The following KAZN variants were observed in gnomAD, a reference collection of about 807,000 sequenced individuals.
The protein encoded by KAZN is kazrin.
A neutral mutation model predicts 87.4 loss-of-function variants in KAZN; 40 were observed. The ratio of observed to expected loss-of-function variants is 0.46; its 90% CI spans 0.36 to 0.60. The LOEUF is 0.60. KAZN is among the 20% of genes least tolerant of loss of function. The pLI is 0.00. For synonymous variants in KAZN, 466 were observed against 458.3 expected, an observed-to-expected ratio of 1.02 and a Z score of -0.22; for missense variants, 898 against 1,073.9, an observed-to-expected ratio of 0.84 and a Z score of 2.29.
At chr1:15,087,534 A>C (rs1298341463) in intron 8 of KAZN, among the ~76,000 whole-genome samples, 1 of 152,008 alleles carries the variant, frequency 6.6e-6, no homozygotes, top group Non-Finnish European at 1.5e-5. Context: ...CTGGGACTAC[A>C]GGCATGCACC....
At chr1:14,246,440 A>G (rs1192746975) in intron 2 of KAZN, among the ~76,000 whole-genome samples, 3 of 152,230 alleles carry the variant, frequency 2.0e-5, no homozygotes, top group African/African-American at 7.2e-5. Context: ...ACTTTATTAA[A>G]AACATATTAC....
At chr1:14,656,250 T>C (rs1234503065) in intron 1 of KAZN, among the ~76,000 whole-genome samples, 6 of 152,186 alleles carry the variant, frequency 3.9e-5, no homozygotes, top group African/African-American at 1.4e-4. Flanking sequence ...GGGAGGGAGC[T>C]GCTCTCTCAG....
chr1:14,728,394 A>C (rs1387123631), intron 1 of KAZN, among the ~76,000 whole-genome samples: 1 of 151,532 alleles, frequency 6.6e-6, no homozygotes, highest in African/African-American at 2.4e-5. Flanking sequence ...TGCAAATAAG[A>C]TGAAGCTTCA....
chr1:14,152,645 A>G (rs746983450), intron 1 of KAZN, among the ~76,000 whole-genome samples: 2 of 152,230 alleles, frequency 1.3e-5, no homozygotes, highest in Non-Finnish European at 1.5e-5. Context: ...TGGCTCCAAC[A>G]AACACAGTAG....
intron 2 of KAZN, among the ~76,000 whole-genome samples, chr1:15,004,447 C>T (rs567892722): frequency 2.0e-5 from 3 of 152,336 alleles, no homozygotes; most frequent in South Asian, 4.1e-4. Context: ...TACTTTCTAG[C>T]TGTTACCATC....
chr1:14,827,021 G>A (rs1269128126), intron 1 of KAZN, among the ~76,000 whole-genome samples: 3 of 152,176 alleles, frequency 2.0e-5, no homozygotes, highest in Admixed American at 6.5e-5. Context: ...CTGCCGTGAG[G>A]GCGGAATCAG....
intron 2 of KAZN, among the ~76,000 whole-genome samples, chr1:14,188,170 G>A (rs1557547187): frequency 6.7e-6 from 1 of 149,566 alleles, no homozygotes; most frequent in Non-Finnish European, 1.5e-5. Flanking sequence ...CTTAGATCTG[G>A]GGATGGAGAG....
intron 1 of KAZN, among the ~76,000 whole-genome samples, chr1:13,902,189 G>T (rs747808152): frequency 6.6e-6 from 1 of 152,230 alleles, no homozygotes; most frequent in Non-Finnish European, 1.5e-5. Context: ...GAAGAAAAAT[G>T]GCCCATTTGT....
At chr1:14,335,771 A>C (rs530684113) in intron 2 of KAZN, among the ~76,000 whole-genome samples, 1 of 152,288 alleles carries the variant, frequency 6.6e-6, no homozygotes, top group South Asian at 2.1e-4. Flanking sequence ...AGAGAGAGAG[A>C]GAGAGAGAGA....
chr1:14,565,447 C>A (rs925225373), intron 2 of KAZN, among the ~76,000 whole-genome samples: 1 of 152,180 alleles, frequency 6.6e-6, no homozygotes, highest in African/African-American at 2.4e-5. Flanking sequence ...AAACTGTAAT[C>A]TTTTTGCTGT....
chr1:14,801,524 C>T (rs1468302084), intron 1 of KAZN, among the ~76,000 whole-genome samples: 1 of 152,048 alleles, frequency 6.6e-6, no homozygotes, highest in Non-Finnish European at 1.5e-5. Flanking sequence ...ACCTACACCT[C>T]CCCGGGAAGG....
In KAZN at chr1:14,277,979, A is replaced by T. The variant is rs140189032; in HGVS notation, c.249+97387A>T. Among the ~76,000 whole-genome samples, 676 of 151,950 alleles carry T rather than the reference A, an allele frequency of 4.4e-3. 3 individuals carry two copies. Among genetic ancestry groups the T allele is most frequent in the African/African-American group, 0.015 (634 of 41,462 alleles). ...CCTCTCCACCCTCACGTTTATTTACATTCTTAGGCAGTTGCTCCCAAACCT... is the reference window on the plus strand; with the variant it reads ...CCTCTCCACCCTCACGTTTATTTACTTTCTTAGGCAGTTGCTCCCAAACCT... On this transcript the variant is annotated intron_variant, in intron 2 of 16. Transcript: ENST00000636203.
chr1:14,979,637 A>C (rs1483318619), intron 2 of KAZN, among the ~76,000 whole-genome samples: 2 of 151,912 alleles, frequency 1.3e-5, no homozygotes, highest in African/African-American at 4.8e-5. Flanking sequence ...GGAGGCCTCC[A>C]TGGGCTTGGG....
chr1:14,098,338 G>A (rs183419743), intron 1 of KAZN, among the ~76,000 whole-genome samples: 5,529 of 152,086 alleles, frequency 0.036, 339 homozygotes, highest in African/African-American at 0.13. Flanking sequence ...ACAAAGCAGG[G>A]TTTTTTTGCC....
chr1:14,383,156 T>C (rs973049882), intron 2 of KAZN, among the ~76,000 whole-genome samples: 7 of 152,172 alleles, frequency 4.6e-5, no homozygotes, highest in African/African-American at 1.7e-4. Flanking sequence ...ATCCACTTTT[T>C]GATGGGGTTG....
At chr1:14,630,493 C>A (rs1359547180) in intron 1 of KAZN, among the ~76,000 whole-genome samples, 1 of 152,040 alleles carries the variant, frequency 6.6e-6, no homozygotes, top group Non-Finnish European at 1.5e-5. Context: ...TCAAGACCAG[C>A]CTGGGCAATA....
chr1:14,389,513 T>A (rs1268112422), intron 2 of KAZN, among the ~76,000 whole-genome samples: 1 of 152,214 alleles, frequency 6.6e-6, no homozygotes, highest in Non-Finnish European at 1.5e-5. Context: ...GGAGTACTAT[T>A]CAGCCATAAA....
rs138237317 is a variant in KAZN, at chr1:14,725,260, C to T, written c.226+126037C>T. On this transcript the variant is annotated intron_variant, in intron 1 of 14. Coordinates refer to ENST00000376030, the MANE Select transcript of KAZN (RefSeq NM_201628.3). ...CTTCTCCCTCCTCACTCACCTTCATCTACTCTTCATTGCGTCAATGCAGAC... is the reference window on the plus strand; with the variant it reads ...CTTCTCCCTCCTCACTCACCTTCATTTACTCTTCATTGCGTCAATGCAGAC... 2.8e-4 allele frequency among the ~76,000 whole-genome samples: 43 copies of T among 152,334 alleles called. No homozygotes were observed. In the East Asian group the frequency reaches 8.1e-3, roughly 29 times the overall value.
At chr1:14,744,595 G>T (rs142838298) in intron 1 of KAZN, among the ~76,000 whole-genome samples, 1 of 152,040 alleles carries the variant, frequency 6.6e-6, no homozygotes, top group Non-Finnish European at 1.5e-5. Context: ...AATTAGCCAG[G>T]TATGGTGGCA....
Sources: gnomAD v4.1 joint callset for allele counts (sites outside exome capture counted in the v4.1 genomes callset) on GRCh38, gnomAD v4.1.1 for gene constraint, MANE v1.5 for transcripts, NCBI Gene and HGNC (gene_info 2026-07-23, HGNC 2026-07-21) for gene names.